The following TTLL11 variants were observed in gnomAD, a reference collection of about 807,000 sequenced individuals.
The protein encoded by TTLL11 is tubulin tyrosine ligase like 11.
A neutral mutation model predicts 51.7 loss-of-function variants in TTLL11; 42 were observed. That is an observed-to-expected ratio of 0.81 (90% confidence interval 0.64 to 1.05). The LOEUF is 1.05. Among genes scored for constraint, TTLL11 ranks in the 50% least tolerant of loss-of-function variants. The probability of loss-of-function intolerance (pLI) is 0.00; values close to 1 mark genes in which losing one functional copy is unlikely to be tolerated. For missense variants in TTLL11, 799 were observed against 940.4 expected, an observed-to-expected ratio of 0.85 and a Z score of 1.97; for synonymous variants, 381 against 383.5, an observed-to-expected ratio of 0.99 and a Z score of 0.08.
intron 3 of TTLL11, among the ~76,000 whole-genome samples, chr9:122,020,163 C>A (rs1219121456): frequency 6.6e-6 from 1 of 152,226 alleles, no homozygotes; most frequent in Non-Finnish European, 1.5e-5. Context: ...CACTGCTCAT[C>A]ATTCCAAAAT....
At chr9:121,983,310 C>T (rs1375678356) in intron 4 of TTLL11, among the ~76,000 whole-genome samples, 1 of 152,112 alleles carries the variant, frequency 6.6e-6, no homozygotes, top group Non-Finnish European at 1.5e-5. Flanking sequence ...TGGACGTGTT[C>T]AGTGTTTGAT....
rs546638940 is a variant in TTLL11, at chr9:122,078,932, G to A, written c.462+13755C>T. Reference sequence around the variant, plus strand: ...TGAAAAAAACAAAGCTCATTCTTACGAAGAAAGTTTAGAGTACTGTTACAG... The same window carrying A: ...TGAAAAAAACAAAGCTCATTCTTACAAAGAAAGTTTAGAGTACTGTTACAG... On this transcript the variant is annotated intron_variant, in intron 1 of 8. Coordinates refer to ENST00000321582, the MANE Select transcript of TTLL11 (RefSeq NM_001139442.2). Among the ~76,000 whole-genome samples, 79 of 152,130 alleles carry A rather than the reference G, an allele frequency of 5.2e-4. 1 individual carries two copies. In the South Asian group the frequency reaches 0.016, roughly 30 times the overall value.
At chr9:122,014,024 T>C (rs1843893225) in intron 3 of TTLL11, among the ~76,000 whole-genome samples, 1 of 152,170 alleles carries the variant, frequency 6.6e-6, no homozygotes. Flanking sequence ...GGGGGAAGGC[T>C]AGATGACTTG....
Position 121,822,359 on chromosome 9 carries a change from T to C in TTLL11, c.*228A>G. On this transcript the variant is annotated 3_prime_UTR_variant, in exon 9 of 9. Coordinates refer to ENST00000321582, the MANE Select transcript of TTLL11 (RefSeq NM_001139442.2). This position sits in a 1 kb window ranked among gnomAD's most constrained non-coding sequence, Gnocchi z 5.8. ...TTTTAGATGTCATATGTCCGATGAC[T>C]GATGACTCAGAAACAGGGTGTATCA... 2.5e-6 allele frequency: 1 copy of C among 403,108 alleles called. No individual in the cohort carries two copies. Among genetic ancestry groups the C allele is most frequent in the Non-Finnish European group, 4.4e-6 (1 of 227,016 alleles). 25.0% of individuals were successfully genotyped at this position (403,108 alleles called of 1,614,324 possible).
At chr9:122,061,743 T>C (rs1203170878) in intron 1 of TTLL11, among the ~76,000 whole-genome samples, 3 of 152,178 alleles carry the variant, frequency 2.0e-5, no homozygotes, top group Non-Finnish European at 2.9e-5. Flanking sequence ...GTTAAAGCGA[T>C]TCTCTTGTCT....
At chr9:121,920,762 TTTA>T (rs1840508654) in intron 6 of TTLL11, among the ~76,000 whole-genome samples, 1 of 152,128 alleles carries the variant, frequency 6.6e-6, no homozygotes, top group South Asian at 2.1e-4. Flanking sequence ...ATCCCCTGAG[TTTA>T]TACCACCAAA....
chr9:121,933,734 T>C (rs1037949891), intron 6 of TTLL11, among the ~76,000 whole-genome samples: 3 of 152,250 alleles, frequency 2.0e-5, no homozygotes, highest in African/African-American at 7.2e-5. Flanking sequence ...CAAATGTCTT[T>C]AATGTCTGGC....
chr9:121,822,736 A>T lies in TTLL11; in HGVS notation c.1984T>A (p.Cys662Ser). The change falls in exon 9 of 9, where the codon TGT becomes AGT. Residue 662 changes from cysteine (C) to serine (S), a missense_variant. By Grantham distance (112) the Cys-to-Ser change is moderately radical. Transcript: ENST00000321582. This position sits in a 1 kb window ranked among gnomAD's most constrained non-coding sequence, Gnocchi z 5.8. ...CCCCCCGACGGGACGCCCCGGCCAC[A>T]CACCAGGCGTTTTTCATCCAGCAGG... ...LSLLDEKRLV[C>S]GRGVPSGGRP... 6.4e-7 allele frequency: 1 copy of T among 1,551,562 alleles called. No individual in the cohort carries two copies. The highest frequency in any genetic ancestry group is 1.4e-5 in the African/African-American group (1 of 73,178).
intron 8 of TTLL11, among the ~76,000 whole-genome samples, chr9:121,827,179 T>C (rs187012347): frequency 2.6e-5 from 4 of 152,192 alleles, no homozygotes; most frequent in Non-Finnish European, 5.9e-5. Context: ...TCTTGTTTTA[T>C]TTCTTAAGTG....
At chr9:121,913,970 C>T (rs550355102) in intron 6 of TTLL11, among the ~76,000 whole-genome samples, 16 of 152,274 alleles carry the variant, frequency 1.1e-4, no homozygotes, top group Middle Eastern at 3.4e-3. Context: ...ATCACTATCT[C>T]GTTTAACTCT....
intron 6 of TTLL11, among the ~76,000 whole-genome samples, chr9:121,929,515 T>C (rs866107022): frequency 3.9e-5 from 6 of 152,236 alleles, no homozygotes; most frequent in South Asian, 2.1e-4. Flanking sequence ...TCAAGGAATA[T>C]GTATGAAAAA....
At chr9:122,012,147 A>G (rs1843812116) in intron 3 of TTLL11, among the ~76,000 whole-genome samples, 1 of 152,192 alleles carries the variant, frequency 6.6e-6, no homozygotes, top group South Asian at 2.1e-4. Context: ...GAGATGAGGA[A>G]AAAGGGTAGA....
At chr9:122,026,690 C>T (rs1474169785) in intron 3 of TTLL11, among the ~76,000 whole-genome samples, 1 of 152,012 alleles carries the variant, frequency 6.6e-6, no homozygotes, top group Non-Finnish European at 1.5e-5. Context: ...TATCTCCTTA[C>T]TAGACACTTA....
At chr9:121,920,035 T>C (rs902901639) in intron 6 of TTLL11, among the ~76,000 whole-genome samples, 1 of 152,110 alleles carries the variant, frequency 6.6e-6, no homozygotes, top group Non-Finnish European at 1.5e-5. Flanking sequence ...GGCTCATGCC[T>C]GTAATCCTAG....
At chr9:122,020,069 A>T (rs72766002) in intron 3 of TTLL11, among the ~76,000 whole-genome samples, 6,700 of 152,260 alleles carry the variant, frequency 0.044, 175 homozygotes, top group African/African-American at 0.073. Context: ...TATGTCTTTA[A>T]CAGCAGCATG....
At chr9:121,912,856 C>T (rs114587414) in intron 6 of TTLL11, among the ~76,000 whole-genome samples, 2,286 of 151,884 alleles carry the variant, frequency 0.015, 70 homozygotes, top group African/African-American at 0.051. Flanking sequence ...CCTCATTTTA[C>T]GTATGAGGAA....
At chr9:121,828,692 T>C (rs1033714746) in intron 8 of TTLL11, among the ~76,000 whole-genome samples, 4 of 152,334 alleles carry the variant, frequency 2.6e-5, no homozygotes, top group African/African-American at 7.2e-5. Flanking sequence ...TCATTGTTTT[T>C]ATTTATGATT....
intron 6 of TTLL11, among the ~76,000 whole-genome samples, chr9:121,958,837 G>A (rs1842112129): frequency 6.6e-6 from 1 of 152,168 alleles, no homozygotes; most frequent in South Asian, 2.1e-4. Flanking sequence ...GGTGTATGGG[G>A]AGATGGGGGC....
At chr9:121,976,035 T>C (rs1487079377) in intron 4 of TTLL11, among the ~76,000 whole-genome samples, 1 of 152,150 alleles carries the variant, frequency 6.6e-6, no homozygotes, top group Non-Finnish European at 1.5e-5. Flanking sequence ...AGTTAATCAA[T>C]GACAGAGCTG....
Sources: gnomAD v4.1 joint callset for allele counts (sites outside exome capture counted in the v4.1 genomes callset) on GRCh38, gnomAD v4.1.1 for gene constraint, Gnocchi (gnomAD v3.1) non-coding constraint, MANE v1.5 for transcripts, NCBI Gene and HGNC (gene_info 2026-07-23, HGNC 2026-07-21) for gene names.